Variants in TTL observed in about 807,000 individuals in gnomAD.
TTL encodes tubulin tyrosine ligase, also known as tubulin--tyrosine ligase.
In TTL, 10 loss-of-function variants were observed where a neutral mutation model predicts 41.1. That is an observed-to-expected ratio of 0.24 (90% CI 0.15 to 0.41). TTL has a LOEUF of 0.41. TTL is among the 10% of genes least tolerant of loss of function. TTL has a pLI of 1.00. For missense variants in TTL, 367 were observed against 460.4 expected, an observed-to-expected ratio of 0.80 and a Z score of 1.86; for synonymous variants, 175 against 175.5, an observed-to-expected ratio of 1.00 and a Z score of 0.02.
At chr2:112,492,647 G>A (rs1164908514) in intron 2 of TTL, among the ~76,000 whole-genome samples, 3 of 151,968 alleles carry the variant, frequency 2.0e-5, no homozygotes, top group Admixed American at 1.3e-4. Context: ...GGAGAATGGC[G>A]TGAACCCAGG....
intron 6 of TTL, among the ~76,000 whole-genome samples, chr2:112,527,442 G>T (rs978567789): frequency 6.6e-6 from 1 of 152,154 alleles, no homozygotes; most frequent in African/African-American, 2.4e-5. Context: ...TATTGTGTAG[G>T]AGTCTAAGTC....
chr2:112,496,877 G>A (rs1464432347), intron 3 of TTL, among the ~76,000 whole-genome samples: 1 of 151,680 alleles, frequency 6.6e-6, no homozygotes, highest in Non-Finnish European at 1.5e-5. Flanking sequence ...CTGGAGTGCA[G>A]TGGTGCCATC....
Position 112,536,629 on chromosome 2 carries a change from A to G in TTL, c.*7834A>G, listed in dbSNP as rs1317395655. On this transcript the variant is annotated 3_prime_UTR_variant, in exon 7 of 7. Coordinates refer to ENST00000233336, the MANE Select transcript of TTL (RefSeq NM_153712.5). The stretch of plus-strand genomic sequence containing the variant: ...GGTTGGGGTACAGATCCCATTACCC[A>G]AGTAGTAAGCATAGTACCTAATGGT... The G allele has an allele frequency of 1.3e-5, 2 of 152,162 alleles. No individual in the cohort carries two copies. The highest frequency in any genetic ancestry group is 6.6e-5 in the Admixed American group (1 of 15,262). 9.4% of individuals were successfully genotyped at this position (152,162 alleles called of 1,614,324 possible).
chr2:112,509,886 G>A (rs6714485), intron 5 of TTL, among the ~76,000 whole-genome samples: 6,382 of 152,142 alleles, frequency 0.042, 468 homozygotes, highest in African/African-American at 0.15. Context: ...TACCCCCCTC[G>A]GCCTCCCAAA....
At chr2:112,509,978 A>G (rs1344526740) in intron 5 of TTL, among the ~76,000 whole-genome samples, 3 of 151,994 alleles carry the variant, frequency 2.0e-5, no homozygotes, top group African/African-American at 7.3e-5. Flanking sequence ...TTGACTAAAC[A>G]TTTATCAATT....
rs1439130885 is a variant in TTL, at chr2:112,482,523, G to T, written c.157+22G>T. 3.8e-6 allele frequency: 6 copies of T among 1,578,934 alleles called. No individual in the cohort carries two copies. Among genetic ancestry groups the T allele is most frequent in the Non-Finnish European group, 5.2e-6 (6 of 1,160,926 alleles). On this transcript the variant is annotated intron_variant, in intron 1 of 6. Coordinates refer to ENST00000233336, the MANE Select transcript of TTL (RefSeq NM_153712.5). The surrounding 1 kb of genome is among the most constrained non-coding windows in gnomAD (Gnocchi z 5.3). ...CTGGGTGAGCCCCTCCCCGATTCCCGTCTGCCCTCCTCGGAGCGGCCCTGC... is the reference window on the plus strand; with the variant it reads ...CTGGGTGAGCCCCTCCCCGATTCCCTTCTGCCCTCCTCGGAGCGGCCCTGC...
intron 3 of TTL, among the ~76,000 whole-genome samples, chr2:112,498,469 A>G (rs1351273630): frequency 6.6e-6 from 1 of 152,212 alleles, no homozygotes; most frequent in Non-Finnish European, 1.5e-5. Context: ...GACCTAAAGA[A>G]ATGGACAGAC....
intron 5 of TTL, among the ~76,000 whole-genome samples, chr2:112,510,978 CA>C (rs1252667326): frequency 1.3e-5 from 2 of 152,092 alleles, no homozygotes; most frequent in Non-Finnish European, 2.9e-5. Flanking sequence ...TGTGCACTAA[CA>C]GAATGTGTAC....
intron 5 of TTL, 93 bp from the exon 6 acceptor site, chr2:112,520,189 T>C (rs1682182916): frequency 2.9e-6 from 4 of 1,375,110 alleles, no homozygotes; most frequent in African/African-American, 1.4e-5. Context: ...GATATTTGTA[T>C]TCATCTCATA....
chr2:112,512,826 C>T (rs1481472208), intron 5 of TTL, among the ~76,000 whole-genome samples: 1 of 152,160 alleles, frequency 6.6e-6, no homozygotes, highest in East Asian at 1.9e-4. Context: ...CTGTCCCCTC[C>T]TTTATTGTAG....
At chr2:112,509,802 T>G (rs1681876648) in intron 5 of TTL, among the ~76,000 whole-genome samples, 1 of 152,210 alleles carries the variant, frequency 6.6e-6, no homozygotes, top group Admixed American at 6.5e-5. Context: ...CGCTGGGAGC[T>G]GTAGACCGGA....
chr2:112,512,191 A>T (rs1681938649), intron 5 of TTL, among the ~76,000 whole-genome samples: 1 of 151,908 alleles, frequency 6.6e-6, no homozygotes. Flanking sequence ...TCCCGGGTTC[A>T]AGTGATTCTC....
chr2:112,527,749 G>A (rs2104479658), intron 6 of TTL, among the ~76,000 whole-genome samples: 1 of 152,238 alleles, frequency 6.6e-6, no homozygotes, highest in South Asian at 2.1e-4. Context: ...ACACTGATGG[G>A]TCTTGACTGT....
intron 3 of TTL, among the ~76,000 whole-genome samples, chr2:112,496,296 A>T (rs931643191): frequency 2.0e-5 from 3 of 152,196 alleles, no homozygotes; most frequent in Non-Finnish European, 4.4e-5. Flanking sequence ...AGTTGAAGAG[A>T]TATATATTTG....
intron 5 of TTL, among the ~76,000 whole-genome samples, chr2:112,509,394 G>A (rs1466684463): frequency 2.0e-5 from 3 of 152,202 alleles, no homozygotes; most frequent in African/African-American, 4.8e-5. Context: ...CTGGGCAATG[G>A]CCGGCGCCCC....
At chr2:112,520,696 C>T in intron 6 of TTL, 1 of 364,302 alleles carries the variant, frequency 2.7e-6, no homozygotes, top group Non-Finnish European at 5.1e-6. Context: ...GTCAGGTAGA[C>T]TGTCTGAGCC....
At chr2:112,501,650 C>T (rs1003754907) in intron 4 of TTL, among the ~76,000 whole-genome samples, 3 of 152,052 alleles carry the variant, frequency 2.0e-5, no homozygotes, top group African/African-American at 7.2e-5. Context: ...GATGGATCAC[C>T]TGAGGTCAGG....
At chr2:112,518,066 T>C (rs1436397502) in intron 5 of TTL, among the ~76,000 whole-genome samples, 1 of 151,906 alleles carries the variant, frequency 6.6e-6, no homozygotes, top group Non-Finnish European at 1.5e-5. Context: ...GTTCAAGCGA[T>C]TCTCCTGCCT....
chr2:112,502,086 G>A (rs1017441446), intron 4 of TTL, among the ~76,000 whole-genome samples: 2 of 152,166 alleles, frequency 1.3e-5, no homozygotes, highest in African/African-American at 4.8e-5. Context: ...GGGATTTTAA[G>A]TTTCTGAGCA....
Sources: gnomAD v4.1 joint callset for allele counts (sites outside exome capture counted in the v4.1 genomes callset) on GRCh38, gnomAD v4.1.1 for gene constraint, Gnocchi (gnomAD v3.1) non-coding constraint, MANE v1.5 for transcripts, NCBI Gene and HGNC (gene_info 2026-07-23, HGNC 2026-07-21) for gene names.